The following EBF1 variants were observed in gnomAD, a reference collection of about 807,000 sequenced individuals.
EBF1 encodes EBF transcription factor 1.
EBF1 carries 10 observed loss-of-function variants against 68.4 expected under a neutral mutation model. That is an observed-to-expected ratio of 0.15 (90% CI 0.09 to 0.25). EBF1 has a LOEUF of 0.25. Among genes scored for constraint, EBF1 ranks in the 10% least tolerant of loss-of-function variants. The pLI, the probability that EBF1 is intolerant of heterozygous loss-of-function variation, is 1.00. For missense variants in EBF1, 509 were observed against 794.4 expected (o/e 0.64, Z 4.32); for synonymous variants, 298 against 299.8 (o/e 0.99, Z 0.06).
At chr5:158,932,703 C>T (rs926552641) in intron 6 of EBF1, among the ~76,000 whole-genome samples, 2 of 152,126 alleles carry the variant, frequency 1.3e-5, no homozygotes, top group Non-Finnish European at 2.9e-5. Context: ...CCTCTATGAA[C>T]TTCATAACTA....
At chr5:158,751,812 A>T (rs2127592942) in intron 10 of EBF1, among the ~76,000 whole-genome samples, 1 of 152,244 alleles carries the variant, frequency 6.6e-6, no homozygotes, top group South Asian at 2.1e-4. Context: ...TCAACTTACA[A>T]ATAAAGAAAT....
At chr5:158,750,605 C>T (rs748689442) in intron 10 of EBF1, among the ~76,000 whole-genome samples, 7 of 151,932 alleles carry the variant, frequency 4.6e-5, no homozygotes, top group African/African-American at 9.7e-5. Flanking sequence ...TCTCACTTTA[C>T]GGCTAGATAT....
intron 5 of EBF1, among the ~76,000 whole-genome samples, chr5:159,076,173 C>T (rs1778745551): frequency 6.6e-6 from 1 of 152,102 alleles, no homozygotes; most frequent in Non-Finnish European, 1.5e-5. Context: ...GAGGAAGAAA[C>T]TATCAATTTT....
intron 6 of EBF1, among the ~76,000 whole-genome samples, chr5:158,969,900 G>GAAAGAAAGAAAGA (rs1755155860): frequency 3.7e-5 from 4 of 107,166 alleles, no homozygotes; most frequent in Non-Finnish European, 7.9e-5. Flanking sequence ...AAGAAAGAAA[G>GAAAGAAAGAAAGA]AAAGAAAGAA....
At chr5:159,095,120 A>T (rs1782356530) in intron 4 of EBF1, among the ~76,000 whole-genome samples, 1 of 152,130 alleles carries the variant, frequency 6.6e-6, no homozygotes, top group Admixed American at 6.5e-5. Flanking sequence ...CTTCACCATC[A>T]TTCCCTTTGA....
intron 6 of EBF1, among the ~76,000 whole-genome samples, chr5:159,045,286 C>T (rs1240311890): frequency 6.6e-6 from 1 of 152,012 alleles, no homozygotes; most frequent in East Asian, 1.9e-4. Flanking sequence ...CCTCTCTTAG[C>T]CAAGCTGAGC....
At chr5:159,068,349 A>G (rs955143678) in intron 6 of EBF1, among the ~76,000 whole-genome samples, 4 of 150,180 alleles carry the variant, frequency 2.7e-5, no homozygotes, top group African/African-American at 9.9e-5. Context: ...ACCCGACCCA[A>G]TGGTAAAAAG....
chr5:159,096,214 G>C (rs1419340079), intron 3 of EBF1, 129 bp downstream of exon 3: 1 of 1,012,536 alleles, frequency 9.9e-7, no homozygotes, highest in Non-Finnish European at 1.4e-6. Flanking sequence ...ATTTAGGAGA[G>C]GCTGGTTCAC....
intron 6 of EBF1, among the ~76,000 whole-genome samples, chr5:159,042,716 C>T (rs1394075720): frequency 6.6e-6 from 1 of 152,072 alleles, no homozygotes; most frequent in East Asian, 1.9e-4. Flanking sequence ...CTTCTAAAGA[C>T]AAGTGTACCA....
At chr5:158,788,484 G>A (rs1417941291) in intron 9 of EBF1, among the ~76,000 whole-genome samples, 1 of 152,180 alleles carries the variant, frequency 6.6e-6, no homozygotes, top group Non-Finnish European at 1.5e-5. Flanking sequence ...ATGTTGAAAA[G>A]AAAGGTTGGA....
chr5:158,704,415 A>T (rs2127466769), intron 15 of EBF1, among the ~76,000 whole-genome samples: 1 of 152,214 alleles, frequency 6.6e-6, no homozygotes, highest in East Asian at 1.9e-4. Flanking sequence ...AAAACACTTA[A>T]ATGGCCTAAA....
At chr5:158,924,525 T>G (rs1809166357) in intron 6 of EBF1, among the ~76,000 whole-genome samples, 1 of 152,106 alleles carries the variant, frequency 6.6e-6, no homozygotes, top group South Asian at 2.1e-4. Context: ...TTCCTACACC[T>G]TTCTCCATGT....
intron 5 of EBF1, among the ~76,000 whole-genome samples, chr5:159,077,614 G>A (rs887879179): frequency 6.6e-6 from 1 of 152,092 alleles, no homozygotes; most frequent in African/African-American, 2.4e-5. Context: ...ACTGAGCCTG[G>A]CACACAGTAT....
intron 10 of EBF1, among the ~76,000 whole-genome samples, chr5:158,769,280 G>A (rs1289511352): frequency 6.6e-6 from 1 of 152,018 alleles, no homozygotes; most frequent in Non-Finnish European, 1.5e-5. Flanking sequence ...CTTTGGACAG[G>A]GATTTCTGTG....
At position 158,983,160 on chromosome 5, in the gene EBF1, T is replaced by C. The variant is rs550322545; in HGVS notation, c.554+90236A>G. 4 of 152,248 alleles carry C rather than the reference T, an allele frequency of 2.6e-5. No individual in the cohort carries two copies. The East Asian group carries it at 7.7e-4, about 29-fold the overall frequency. The allele number at this position is 152,248 out of a possible 1,614,324, so 9.4% of individuals were successfully genotyped here. A position where few individuals can be genotyped will look rare whatever the true frequency, so the allele number is the denominator to read the frequency against. ...GATGGCCCAGAAGGTGGTAAAATAG[T>C]ATAAGGGTTCTCTTTGTCAGGAACC... On this transcript the variant is annotated intron_variant, in intron 6 of 15. Coordinates refer to ENST00000313708, the MANE Select transcript of EBF1 (RefSeq NM_024007.5).
intron 9 of EBF1, among the ~76,000 whole-genome samples, chr5:158,788,438 G>A (rs1193339299): frequency 6.6e-6 from 1 of 152,152 alleles, no homozygotes; most frequent in Non-Finnish European, 1.5e-5. Context: ...CAAGTCAATG[G>A]AATAGAACAT....
intron 6 of EBF1, among the ~76,000 whole-genome samples, chr5:158,936,030 AG>A (rs1417510488): frequency 6.6e-6 from 1 of 152,232 alleles, no homozygotes; most frequent in African/African-American, 2.4e-5. Context: ...TTTTTAAAAA[AG>A]GAGAGGCTTG....
chr5:158,752,775 G>C (rs1455903690), intron 10 of EBF1, among the ~76,000 whole-genome samples: 1 of 152,052 alleles, frequency 6.6e-6, no homozygotes, highest in East Asian at 1.9e-4. Flanking sequence ...TCCCACGGTT[G>C]TAAAATCTTG....
intron 8 of EBF1, among the ~76,000 whole-genome samples, chr5:158,807,208 C>A (rs1781746162): frequency 6.6e-6 from 1 of 152,060 alleles, no homozygotes; most frequent in Non-Finnish European, 1.5e-5. Flanking sequence ...AGGAACTGTG[C>A]TAGGAACAAC....
Sources: allele counts gnomAD v4.1 joint callset (sites outside exome capture counted in the v4.1 genomes callset), GRCh38; gene constraint gnomAD v4.1.1; transcripts MANE v1.5; gene names NCBI Gene and HGNC (gene_info 2026-07-23, HGNC 2026-07-21).